Variants in PLA2G2C observed in about 807,000 individuals in gnomAD.
PLA2G2C encodes the protein phospholipase A2 group IIC.
Under a neutral mutation model 14.3 loss-of-function variants are expected in PLA2G2C, and 15 were observed. That is an observed-to-expected ratio of 1.05 (90% CI 0.70 to 1.62). The LOEUF is 1.62. PLA2G2C is among the 40% of genes most tolerant of loss of function. The probability of loss-of-function intolerance (pLI) is 0.00; values close to 1 mark genes in which losing one functional copy is unlikely to be tolerated. For missense variants in PLA2G2C, 162 were observed against 173.2 expected, an observed-to-expected ratio of 0.94 and a Z score of 0.36; for synonymous variants, 79 against 67.7, an observed-to-expected ratio of 1.17 and a Z score of -0.82.
intron 1 of PLA2G2C, among the ~76,000 whole-genome samples, chr1:20,183,834 G>A (rs1010638752): frequency 1.3e-5 from 2 of 152,244 alleles, no homozygotes; most frequent in Non-Finnish European, 2.9e-5. Context: ...CCCAGGGAGA[G>A]AGCTGGAGAG....
At chr1:20,180,888 T>G (rs541724392) in intron 1 of PLA2G2C, among the ~76,000 whole-genome samples, 1 of 152,348 alleles carries the variant, frequency 6.6e-6, no homozygotes, top group Non-Finnish European at 1.5e-5. Context: ...GACCCATCAA[T>G]TCAGCTTTTA....
intron 1 of PLA2G2C, among the ~76,000 whole-genome samples, chr1:20,177,919 T>C (rs1025155755): frequency 1.3e-5 from 2 of 152,184 alleles, no homozygotes; most frequent in Non-Finnish European, 2.9e-5. Flanking sequence ...TTCCTGTCAA[T>C]AATTTCAAGC....
In PLA2G2C at chr1:20,175,910, C is replaced by CTT. The variant is rs1245322352; in HGVS notation, c.41-767_41-766dup. ...TAATAAGCGTGTGTTCCCTTTCCTT[C>CTT]TTTTTTTTTTTTTTTTGAGACGGAG... On this transcript the variant is annotated intron_variant, in intron 2 of 4. Transcript: ENST00000679259. Among the ~76,000 whole-genome samples, 20 of 139,892 alleles carry CTT rather than the reference C, an allele frequency of 1.4e-4. 1 individual carries two copies. Among genetic ancestry groups the CTT allele is most frequent in the African/African-American group, 2.4e-4 (9 of 38,198 alleles). 91.8% of individuals were successfully genotyped at this position (139,892 alleles called of 152,430 possible).
chr1:20,182,508 A>G (rs2018291534), intron 1 of PLA2G2C, among the ~76,000 whole-genome samples: 1 of 152,196 alleles, frequency 6.6e-6, no homozygotes, highest in African/African-American at 2.4e-5. Flanking sequence ...ACACTCCACA[A>G]TGTTTGCACA....
chr1:20,179,689 GTGTGTGTCAGCTTCTCCCT>G (rs887465079), intron 1 of PLA2G2C, among the ~76,000 whole-genome samples: 26 of 136,566 alleles, frequency 1.9e-4, no homozygotes, highest in African/African-American at 6.8e-4. Context: ...GTTTCTCTCT[GTGTGTGTCAGCTTCTCCCT>G]TGTGTGTCAG....
At chr1:20,169,725 C>T (rs1465067753) in intron 4 of PLA2G2C, among the ~76,000 whole-genome samples, 1 of 152,212 alleles carries the variant, frequency 6.6e-6, no homozygotes, top group African/African-American at 2.4e-5. Context: ...TTATGAAGTA[C>T]AGGCGATTCT....
At position 20,164,410 on chromosome 1, in the gene PLA2G2C, ATGTG is replaced by A. The variant is rs559487640; in HGVS notation, c.284-257_284-254del. 4.3e-4 allele frequency among the ~76,000 whole-genome samples: 66 copies of A among 151,854 alleles called. 2 individuals carry two copies. In the South Asian group the frequency reaches 0.012, roughly 27 times the overall value. On this transcript the variant is annotated intron_variant, in intron 4 of 4. Coordinates refer to ENST00000679259, the MANE Select transcript of PLA2G2C (RefSeq NM_001367969.2). The stretch of plus-strand genomic sequence containing the variant: ...TGGTCGTGTGTGCATGTGCCTGTGT[ATGTG>A]TGTGTGCGTGTGCATGTGTGTGTTT...
In PLA2G2C at chr1:20,163,840, A is replaced by G. The variant is rs1334818577; in HGVS notation, c.*151T>C. ...TGAACGACAGGGAGTCCCCTTGGTC[A>G]GAATGCTGAAGGGTGAGCTGCCCTG... On this transcript the variant is annotated 3_prime_UTR_variant, in exon 5 of 5. Coordinates refer to ENST00000679259, the MANE Select transcript of PLA2G2C (RefSeq NM_001367969.2). 3.5e-6 allele frequency: 3 copies of G among 848,440 alleles called. No homozygotes were observed. Among genetic ancestry groups the G allele is most frequent in the Non-Finnish European group, 3.5e-6 (2 of 568,718 alleles). The allele number at this position is 848,440 out of a possible 1,614,324, so 52.6% of individuals were successfully genotyped here. A position where few individuals can be genotyped will look rare whatever the true frequency, so the allele number is the denominator to read the frequency against.
chr1:20,174,332 C>G (rs966344722), intron 3 of PLA2G2C, among the ~76,000 whole-genome samples: 1 of 152,184 alleles, frequency 6.6e-6, no homozygotes, highest in African/African-American at 2.4e-5. Flanking sequence ...CTTACCTCCC[C>G]ACACGTACAT....
rs945374235 is a variant in PLA2G2C at position 20,175,162 on chromosome 1, G to C, written c.41-17C>G. ...GGGTGGGGGCTGCCACCACCGATGA[G>C]AAAAAAAGGAAGAAGGAAGTTGCAA... On this transcript the variant is annotated splice_polypyrimidine_tract_variant and intron_variant, in intron 2 of 4. Coordinates refer to ENST00000679259, the MANE Select transcript of PLA2G2C (RefSeq NM_001367969.2). 6.2e-7 allele frequency: 1 copy of C among 1,612,548 alleles called. No individual in the cohort carries two copies. Among genetic ancestry groups the C allele is most frequent in the African/African-American group, 1.3e-5 (1 of 74,812 alleles).
intron 3 of PLA2G2C, among the ~76,000 whole-genome samples, chr1:20,173,154 T>A (rs1367164094): frequency 2.7e-4 from 37 of 135,940 alleles, no homozygotes; most frequent in East Asian, 4.3e-4. Context: ...TTTTTAAGTT[T>A]AAAAAAAAAA....
At chr1:20,178,078 C>T (rs1369522421) in intron 1 of PLA2G2C, among the ~76,000 whole-genome samples, 3 of 152,148 alleles carry the variant, frequency 2.0e-5, no homozygotes, top group Non-Finnish European at 4.4e-5. Context: ...TTCACAGGCC[C>T]ATTGTGGGAC....
chr1:20,167,949 G>C (rs2018005093), intron 4 of PLA2G2C, among the ~76,000 whole-genome samples: 1 of 152,236 alleles, frequency 6.6e-6, no homozygotes, highest in South Asian at 2.1e-4. Flanking sequence ...GTTTGAATGT[G>C]TCTTTATTAA....
chr1:20,167,234 C>T (rs971344737), intron 4 of PLA2G2C, among the ~76,000 whole-genome samples: 1 of 152,138 alleles, frequency 6.6e-6, no homozygotes, highest in African/African-American at 2.4e-5. Flanking sequence ...CCGCTGCAGC[C>T]CACACCTCTC....
At position 20,170,800 on chromosome 1, in the gene PLA2G2C, C is replaced by A. The variant is rs771952194; in HGVS notation, c.283+1994G>T. Among the ~76,000 whole-genome samples, 3 of 106,940 alleles carry A rather than the reference C, an allele frequency of 2.8e-5. 1 individual carries two copies. The highest frequency in any genetic ancestry group is 6.0e-5 in the Non-Finnish European group (3 of 49,876). The allele number at this position is 106,940 out of a possible 152,430, so 70.2% of individuals were successfully genotyped here. A position where few individuals can be genotyped will look rare whatever the true frequency, so the allele number is the denominator to read the frequency against. ...GGAGCCCTGGTCAAGGCTTCAGGAG[C>A]AACTGGCTGCTTCTGCTCTGAAGGG... is the stretch of plus-strand genomic sequence containing the variant. On this transcript the variant is annotated intron_variant, in intron 4 of 4. Transcript: ENST00000679259.
chr1:20,181,613 CTT>C (rs1206878672), intron 1 of PLA2G2C, among the ~76,000 whole-genome samples: 1 of 151,800 alleles, frequency 6.6e-6, no homozygotes, highest in Non-Finnish European at 1.5e-5. Flanking sequence ...TCACAACACT[CTT>C]AGACTCTTGT....
chr1:20,169,321 G>A (rs2018031540), intron 4 of PLA2G2C, among the ~76,000 whole-genome samples: 1 of 152,156 alleles, frequency 6.6e-6, no homozygotes, highest in Non-Finnish European at 1.5e-5. Context: ...GGGACTACAG[G>A]TATGCACCAC....
rs1277814189 is a variant in PLA2G2C at position 20,164,058 on chromosome 1, G to A, written c.383C>T (p.Thr128Ile). 3 of 1,613,862 alleles carry A rather than the reference G, an allele frequency of 1.9e-6. No individual in the cohort carries two copies. The highest frequency in any genetic ancestry group is 1.7e-6 in the Non-Finnish European group (2 of 1,179,840). ...GAACTGCTTGAAGTTTTTCTCATAG[G>A]TGGGCAGGCTCTCTTTGAAGCAGTG... ...SVHCFKESLPTYEKNFKQFSS... is the reference protein window; with the variant it reads ...SVHCFKESLPIYEKNFKQFSS... The change falls in exon 5 of 5, where the codon ACC becomes ATC. Residue 128 changes from threonine to isoleucine, a missense_variant. Transcript: ENST00000679259.
intron 1 of PLA2G2C, among the ~76,000 whole-genome samples, chr1:20,182,235 C>T (rs570033908): frequency 1.3e-5 from 2 of 152,304 alleles, no homozygotes; most frequent in South Asian, 2.1e-4. Context: ...ACCACACATA[C>T]GATGGTGGTC....
Sources: gnomAD v4.1 joint callset for allele counts (sites outside exome capture counted in the v4.1 genomes callset) on GRCh38, gnomAD v4.1.1 for gene constraint, MANE v1.5 for transcripts, NCBI Gene and HGNC (gene_info 2026-07-23, HGNC 2026-07-21) for gene names.